The following CDS2 variants were observed in gnomAD, a reference collection of about 807,000 sequenced individuals.
CDS2 encodes phosphatidate cytidylyltransferase 2.
CDS2 carries 47 observed loss-of-function variants against 59.0 expected under a neutral mutation model. The ratio of observed to expected loss-of-function variants is 0.80; its 90% confidence interval spans 0.63 to 1.02. The LOEUF (loss-of-function observed/expected upper bound fraction) is 1.02, where lower values mean the gene tolerates loss of function less well. CDS2 is among the 50% of genes least tolerant of loss of function. The pLI is 0.00. For missense variants in CDS2, 356 were observed against 558.9 expected (o/e 0.64, Z 3.66); for synonymous variants, 207 against 206.4 (o/e 1.00, Z -0.02).
intron 1 of CDS2, among the ~76,000 whole-genome samples, chr20:5,138,444 A>G (rs572571858): frequency 3.0e-4 from 45 of 151,928 alleles, no homozygotes; most frequent in Admixed American, 1.7e-3. Context: ...GTTCTGTTCT[A>G]TTTGTCTGGG....
At chr20:5,180,098 T>G (rs1029233261) in intron 5 of CDS2, among the ~76,000 whole-genome samples, 5 of 152,200 alleles carry the variant, frequency 3.3e-5, no homozygotes, top group Non-Finnish European at 7.3e-5. Context: ...AAAAGCGACA[T>G]GCTTATTTCT....
At chr20:5,134,619 C>T (rs1268032497) in intron 1 of CDS2, among the ~76,000 whole-genome samples, 1 of 152,152 alleles carries the variant, frequency 6.6e-6, no homozygotes, top group Admixed American at 6.5e-5. Context: ...CTCCCGAGTT[C>T]AAGTGATTCT....
rs577901598 is a variant in CDS2 at position 5,134,457 on chromosome 20, T to C, written c.57+7308T>C. On this transcript the variant is annotated intron_variant, in intron 1 of 12. Transcript: ENST00000460006. The stretch of plus-strand genomic sequence containing the variant: ...GACTCCACATAATCAATTTTTTCCC[T>C]ACTGATTTAAAGAAATAATACAATC... 1.5e-4 allele frequency among the ~76,000 whole-genome samples: 23 copies of C among 152,360 alleles called. No individual in the cohort carries two copies. The South Asian group carries it at 4.8e-3, about 32-fold the overall frequency.
intron 1 of CDS2, chr20:5,128,368 A>C (rs1361039969): frequency 6.6e-6 from 1 of 152,228 alleles, no homozygotes; most frequent in Non-Finnish European, 1.5e-5. Context: ...GAGCAGTTAC[A>C]CTAGGAGGAA....
At chr20:5,171,714 G>T (rs958236031) in intron 1 of CDS2, among the ~76,000 whole-genome samples, 2 of 152,162 alleles carry the variant, frequency 1.3e-5, no homozygotes, top group African/African-American at 4.8e-5. Flanking sequence ...GTGAGAGTTT[G>T]GTTATGTCGC....
intron 1 of CDS2, among the ~76,000 whole-genome samples, chr20:5,152,700 G>A (rs1374142139): frequency 3.9e-5 from 6 of 152,130 alleles, no homozygotes; most frequent in East Asian, 1.9e-4. Flanking sequence ...CCAAGATTGC[G>A]CCATTGCACT....
intron 1 of CDS2, among the ~76,000 whole-genome samples, chr20:5,151,786 C>T (rs567628836): frequency 2.9e-4 from 25 of 85,412 alleles, no homozygotes; most frequent in African/African-American, 1.0e-3. Context: ...TTTTTTGAGA[C>T]GGAGTTTCGC....
chr20:5,146,966 G>A (rs540665931), intron 1 of CDS2, among the ~76,000 whole-genome samples: 1 of 152,312 alleles, frequency 6.6e-6, no homozygotes, highest in East Asian at 1.9e-4. Context: ...TCAGTAAGGA[G>A]GAAGGAGAGA....
At chr20:5,144,336 G>A (rs889921191) in intron 1 of CDS2, among the ~76,000 whole-genome samples, 1 of 152,158 alleles carries the variant, frequency 6.6e-6, no homozygotes, top group African/African-American at 2.4e-5. Context: ...GGTGAGTTGG[G>A]TGACATACTC....
At chr20:5,162,699 A>G (rs968704113) in intron 1 of CDS2, among the ~76,000 whole-genome samples, 1 of 152,082 alleles carries the variant, frequency 6.6e-6, no homozygotes, top group Non-Finnish European at 1.5e-5. Context: ...ATACCTAGGG[A>G]GAGAGTGTGG....
At chr20:5,182,322 A>G (rs2091037655) in intron 5 of CDS2, 65 bp from the exon 6 acceptor site, 6 of 1,441,510 alleles carry the variant, frequency 4.2e-6, no homozygotes, top group Admixed American at 1.9e-5. Flanking sequence ...TAACATAGCT[A>G]AAGGAGGGCA....
chr20:5,177,958 AAAG>A (rs1352766943), intron 4 of CDS2, among the ~76,000 whole-genome samples: 1 of 152,254 alleles, frequency 6.6e-6, no homozygotes, highest in Non-Finnish European at 1.5e-5. Context: ...ATGTAACAGA[AAAG>A]AAACCCAATA....
chr20:5,187,000 C>T, intron 10 of CDS2, 161 bp downstream of exon 10: 2 of 682,234 alleles, frequency 2.9e-6, no homozygotes, highest in East Asian at 2.9e-5. Flanking sequence ...AGGGTATGGG[C>T]AGGACAGCTT....
chr20:5,158,131 A>C (rs954301847), intron 1 of CDS2, among the ~76,000 whole-genome samples: 2 of 149,592 alleles, frequency 1.3e-5, no homozygotes, highest in Non-Finnish European at 3.0e-5. Context: ...AGTGTGGGCC[A>C]GGGAAGCCAA....
intron 5 of CDS2, 118 bp from the exon 6 acceptor site, chr20:5,182,269 T>G: frequency 4.0e-6 from 3 of 747,838 alleles, no homozygotes; most frequent in Non-Finnish European, 6.4e-6. Flanking sequence ...TTTGACATTG[T>G]GCACTGGTTA....
chr20:5,162,085 C>G (rs990419924), intron 1 of CDS2, among the ~76,000 whole-genome samples: 2 of 152,150 alleles, frequency 1.3e-5, no homozygotes, highest in African/African-American at 4.8e-5. Context: ...GTAGACTGTA[C>G]AAGCTGCTGT....
In CDS2 at chr20:5,190,321, A is replaced by C; in HGVS notation, c.*87A>C. The C allele has an allele frequency of 1.3e-5, 16 of 1,221,060 alleles. No individual in the cohort carries two copies. The highest frequency in any genetic ancestry group is 1.6e-5 in the Non-Finnish European group (14 of 893,564). 75.6% of individuals were successfully genotyped at this position (1,221,060 alleles called of 1,614,324 possible). A position where few individuals can be genotyped will look rare whatever the true frequency, so the allele number is the denominator to read the frequency against. ...CCCAGCTGGTGTGACTTAGACAATG[A>C]CGAGGCTTCAACTCACTGTCTTTTT... On this transcript the variant is annotated 3_prime_UTR_variant, in exon 13 of 13. Transcript: ENST00000460006.
chr20:5,132,468 C>G (rs1264879331), intron 1 of CDS2, among the ~76,000 whole-genome samples: 1 of 152,156 alleles, frequency 6.6e-6, no homozygotes, highest in Non-Finnish European at 1.5e-5. Context: ...AGAAGGACCA[C>G]TGAACACTGT....
intron 1 of CDS2, among the ~76,000 whole-genome samples, chr20:5,161,633 A>T (rs146521698): frequency 3.6e-4 from 55 of 152,328 alleles, no homozygotes; most frequent in African/African-American, 1.3e-3. Flanking sequence ...TGTTTATAGT[A>T]GTCTTGTTAA....
Sources: allele counts gnomAD v4.1 joint callset (sites outside exome capture counted in the v4.1 genomes callset), GRCh38; gene constraint gnomAD v4.1.1; transcripts MANE v1.5; gene names NCBI Gene and HGNC (gene_info 2026-07-23, HGNC 2026-07-21).